The following NCALD variants were observed in gnomAD, a reference collection of about 807,000 sequenced individuals.
NCALD encodes the protein neurocalcin delta, also known as neurocalcin-delta.
NCALD carries 10 observed loss-of-function variants against 18.6 expected under a neutral mutation model. The ratio of observed to expected loss-of-function variants is 0.54; its 90% CI spans 0.33 to 0.91. The LOEUF is 0.91. Among genes scored for constraint, NCALD ranks in the 40% least tolerant of loss-of-function variants. The pLI is 0.03. For missense variants in NCALD, 184 were observed against 247.6 expected (o/e 0.74, Z 1.72); for synonymous variants, 88 against 87.4 (o/e 1.01, Z -0.04).
upstream of NCALD, among the ~76,000 whole-genome samples, chr8:101,792,397 G>C (rs1586517967): frequency 6.6e-6 from 1 of 152,090 alleles, no homozygotes; most frequent in Admixed American, 6.5e-5. Context: ...TTCTGTCCCA[G>C]CCCCAATTGG....
chr8:101,922,300 A>G (rs1313251057), intron 2 of NCALD, among the ~76,000 whole-genome samples: 2 of 152,198 alleles, frequency 1.3e-5, no homozygotes, highest in African/African-American at 2.4e-5. Context: ...CAGAATGGAC[A>G]GCCCATTAAA....
At chr8:101,861,548 A>T (rs1331351851) in intron 4 of NCALD, among the ~76,000 whole-genome samples, 3 of 142,040 alleles carry the variant, frequency 2.1e-5, no homozygotes, top group Admixed American at 6.8e-5. Flanking sequence ...ATGTGATATT[A>T]AAAAAAAAAC....
intron 4 of NCALD, among the ~76,000 whole-genome samples, chr8:101,803,737 T>C (rs1038176861): frequency 8.5e-5 from 13 of 152,144 alleles, no homozygotes; most frequent in Non-Finnish European, 1.3e-4. Context: ...AAGACTTCAG[T>C]GGAGGAAGTA....
intron 1 of NCALD, among the ~76,000 whole-genome samples, chr8:102,068,018 T>C (rs1342109421): frequency 1.3e-5 from 2 of 152,204 alleles, no homozygotes; most frequent in Non-Finnish European, 2.9e-5. Flanking sequence ...GTCTACACAA[T>C]TGGCTGTGTC....
intron 1 of NCALD, among the ~76,000 whole-genome samples, chr8:102,090,883 C>T (rs547034418): frequency 1.3e-5 from 2 of 152,312 alleles, no homozygotes; most frequent in South Asian, 2.1e-4. Context: ...TCTGGAATGG[C>T]GTGCTTTCCT....
At chr8:101,802,461 G>A (rs1254327396) in intron 4 of NCALD, among the ~76,000 whole-genome samples, 2 of 152,052 alleles carry the variant, frequency 1.3e-5, no homozygotes, top group Admixed American at 6.5e-5. Flanking sequence ...AGAAAAGCGT[G>A]TTGAAAGCCA....
At chr8:101,744,909 C>T (rs985455055) in intron 1 of NCALD, among the ~76,000 whole-genome samples, 3 of 151,958 alleles carry the variant, frequency 2.0e-5, no homozygotes, top group African/African-American at 4.8e-5. Context: ...GAAATCCTGA[C>T]TTAAATAACC....
chr8:101,948,469 A>G (rs1416790573), intron 2 of NCALD, among the ~76,000 whole-genome samples: 1 of 152,214 alleles, frequency 6.6e-6, no homozygotes, highest in Non-Finnish European at 1.5e-5. Context: ...TAATGTATCC[A>G]AGGCAAGACA....
chr8:101,988,154 C>CAAAAAAAAA (rs141735735), intron 2 of NCALD, among the ~76,000 whole-genome samples: 14 of 36,906 alleles, frequency 3.8e-4, no homozygotes, highest in East Asian at 7.5e-4. Context: ...GACTCCGTCT[C>CAAAAAAAAA]AAAAAAAAAA....
intron 2 of NCALD, among the ~76,000 whole-genome samples, chr8:101,709,448 C>T (rs538176024): frequency 1.3e-5 from 2 of 152,252 alleles, no homozygotes; most frequent in African/African-American, 4.8e-5. Flanking sequence ...AAGAATGCAG[C>T]GTGTATACAT....
At chr8:101,978,814 A>C (rs984928) in intron 2 of NCALD, among the ~76,000 whole-genome samples, 23,899 of 152,156 alleles carry the variant, frequency 0.16, 2,720 homozygotes, top group African/African-American at 0.31. Flanking sequence ...GGGAGGAAGA[A>C]AGCAAGAAAC....
intron 2 of NCALD, among the ~76,000 whole-genome samples, chr8:101,978,549 C>T (rs1820506583): frequency 6.6e-6 from 1 of 152,130 alleles, no homozygotes; most frequent in Admixed American, 6.5e-5. Flanking sequence ...GAGGTCAGCC[C>T]AGATCTGCCT....
At chr8:101,750,743 T>G (rs1810619968) in intron 1 of NCALD, 1 of 152,182 alleles carries the variant, frequency 6.6e-6, no homozygotes, top group Non-Finnish European at 1.5e-5. Context: ...CTCTCTGAAG[T>G]CCCTCCTGCC....
At chr8:102,038,050 G>A (rs1471773947) in intron 1 of NCALD, among the ~76,000 whole-genome samples, 34 of 152,092 alleles carry the variant, frequency 2.2e-4, no homozygotes. Flanking sequence ...AGGAATGTAA[G>A]CTTCACACAC....
chr8:101,732,345 G>A (rs1816869678), intron 1 of NCALD, among the ~76,000 whole-genome samples: 1 of 152,074 alleles, frequency 6.6e-6, no homozygotes, highest in Non-Finnish European at 1.5e-5. Flanking sequence ...TATAGGAGGA[G>A]CTCAAGTCCC....
At chr8:101,708,833 G>A (rs935495114) in intron 2 of NCALD, among the ~76,000 whole-genome samples, 4 of 152,176 alleles carry the variant, frequency 2.6e-5, no homozygotes, top group Admixed American at 1.3e-4. Flanking sequence ...AGCAGAATCA[G>A]TGACACCGCT....
At chr8:101,763,966 C>CTCTCTCTCA (rs1491550100) in intron 1 of NCALD, among the ~76,000 whole-genome samples, 1 of 85,170 alleles carries the variant, frequency 1.2e-5, no homozygotes. Flanking sequence ...CTCTCTCTCT[C>CTCTCTCTCA]CACACACACA....
At chr8:102,118,382 C>A (rs973624982) in intron 1 of NCALD, among the ~76,000 whole-genome samples, 1 of 152,242 alleles carries the variant, frequency 6.6e-6, no homozygotes, top group African/African-American at 2.4e-5. Context: ...TGATCTTACC[C>A]GCACCTTTGT....
At position 101,994,648 on chromosome 8, in the gene NCALD, C is replaced by G. The variant is rs112938126; in HGVS notation, c.-157+25589G>C. 4.4e-3 allele frequency among the ~76,000 whole-genome samples: 677 copies of G among 152,350 alleles called. 2 individuals are homozygous for G. Among genetic ancestry groups the G allele is most frequent in the African/African-American group, 0.014 (600 of 41,590 alleles). ...GCCATGTGCATGGCCCGGAGAGCCA[C>G]ATGGCTGGGGTCTGAATCCTGCCTC... On this transcript the variant is annotated intron_variant, in intron 2 of 6. Coordinates refer to the NCALD transcript ENST00000311028.
Sources: gnomAD v4.1 joint callset for allele counts (sites outside exome capture counted in the v4.1 genomes callset) on GRCh38, gnomAD v4.1.1 for gene constraint, MANE v1.5 for transcripts, NCBI Gene and HGNC (gene_info 2026-07-23, HGNC 2026-07-21) for gene names.